RBFOX1: variants seen among roughly 807,000 people sequenced by gnomAD.
The protein encoded by RBFOX1 is RNA binding fox-1 homolog 1.
In RBFOX1, 8 loss-of-function variants were observed where a neutral mutation model predicts 57.7. The ratio of observed to expected loss-of-function variants is 0.14; its 90% CI spans 0.08 to 0.25. The LOEUF (loss-of-function observed/expected upper bound fraction) is 0.25. RBFOX1 is among the 10% of genes least tolerant of loss of function. RBFOX1 has a pLI of 1.00. For synonymous variants in RBFOX1, 326 were observed against 222.4 expected, an observed-to-expected ratio of 1.47 and a Z score of -4.15; for missense variants, 611 against 548.5, an observed-to-expected ratio of 1.11 and a Z score of -1.14.
chr16:5,711,594 G>A (rs917543680), intron 3 of RBFOX1, among the ~76,000 whole-genome samples: 3 of 152,208 alleles, frequency 2.0e-5, no homozygotes, highest in Non-Finnish European at 4.4e-5. Context: ...GTCATAGGGA[G>A]CCTGGAAGAT....
At chr16:6,849,444 G>A (rs946924808) in intron 3 of RBFOX1, among the ~76,000 whole-genome samples, 1 of 152,200 alleles carries the variant, frequency 6.6e-6, no homozygotes, top group East Asian at 1.9e-4. Flanking sequence ...GAGGCTGGTA[G>A]ATCACTTGAG....
At chr16:7,142,636 C>G (rs935930860) in intron 4 of RBFOX1, among the ~76,000 whole-genome samples, 1 of 152,186 alleles carries the variant, frequency 6.6e-6, no homozygotes, top group Non-Finnish European at 1.5e-5. Flanking sequence ...TCAATCAGAG[C>G]ATTTTGATTG....
chr16:6,364,611 A>G (rs77114988), intron 2 of RBFOX1, among the ~76,000 whole-genome samples: 64 of 152,336 alleles, frequency 4.2e-4, no homozygotes, highest in African/African-American at 1.5e-3. Context: ...TGATGGAGAC[A>G]TATGGTCATA....
At chr16:6,888,591 A>G (rs779381419) in intron 3 of RBFOX1, among the ~76,000 whole-genome samples, 2 of 152,006 alleles carry the variant, frequency 1.3e-5, no homozygotes, top group African/African-American at 2.4e-5. Context: ...CCGTAGGGTT[A>G]GAAGTGCATT....
chr16:7,232,491 C>G (rs1471405714), intron 4 of RBFOX1, among the ~76,000 whole-genome samples: 2 of 152,142 alleles, frequency 1.3e-5, no homozygotes, highest in African/African-American at 4.8e-5. Context: ...TACCTCCCCA[C>G]ACACATATGC....
intron 2 of RBFOX1, among the ~76,000 whole-genome samples, chr16:5,516,489 C>T (rs2043797307): frequency 6.6e-6 from 1 of 152,192 alleles, no homozygotes; most frequent in African/African-American, 2.4e-5. Flanking sequence ...GTTTAATAAG[C>T]ATAATAATGT....
intron 3 of RBFOX1, among the ~76,000 whole-genome samples, chr16:6,926,327 A>C (rs1446965851): frequency 2.0e-5 from 3 of 151,982 alleles, no homozygotes; most frequent in African/African-American, 7.3e-5. Flanking sequence ...CAAAAACAAA[A>C]ACCCTTATTT....
At chr16:6,256,186 C>A (rs77712830) in intron 1 of RBFOX1, among the ~76,000 whole-genome samples, 3 of 36,602 alleles carry the variant, frequency 8.2e-5, no homozygotes, top group Admixed American at 4.0e-4. Context: ...TATATATATA[C>A]GTATATATAT....
chr16:6,478,423 A>T (rs1303528772), intron 2 of RBFOX1, among the ~76,000 whole-genome samples: 412 of 11,830 alleles, frequency 0.035, 12 homozygotes, highest in African/African-American at 0.048. Flanking sequence ...ATATATATAT[A>T]TATATATTTT....
chr16:7,635,429 C>T (rs2061595438), intron 11 of RBFOX1, among the ~76,000 whole-genome samples: 2 of 152,134 alleles, frequency 1.3e-5, no homozygotes, highest in South Asian at 2.1e-4. Flanking sequence ...TGCAAATAAA[C>T]ATACACACCA....
At chr16:6,476,143 T>A (rs1396594685) in intron 2 of RBFOX1, among the ~76,000 whole-genome samples, 1 of 152,192 alleles carries the variant, frequency 6.6e-6, no homozygotes, top group Admixed American at 6.5e-5. Context: ...CACCCTTTTC[T>A]TATATTTACA....
At chr16:7,484,707 G>A (rs749021929) in intron 4 of RBFOX1, among the ~76,000 whole-genome samples, 13 of 152,136 alleles carry the variant, frequency 8.5e-5, no homozygotes, top group South Asian at 2.1e-4. Context: ...CAGGTGATCC[G>A]CTCGCTTCAG....
At chr16:7,547,769 T>C (rs1286191219) in intron 5 of RBFOX1, among the ~76,000 whole-genome samples, 1 of 152,256 alleles carries the variant, frequency 6.6e-6, no homozygotes, top group African/African-American at 2.4e-5. Context: ...TGTATAGTTC[T>C]TTGCTATTGT....
chr16:6,378,465 G>A (rs973346560), intron 2 of RBFOX1, among the ~76,000 whole-genome samples: 6 of 152,202 alleles, frequency 3.9e-5, no homozygotes, highest in South Asian at 2.1e-4. Context: ...ATTGTAGCCC[G>A]TCACTTTGGT....
At chr16:7,021,842 T>C (rs964172100) in intron 3 of RBFOX1, among the ~76,000 whole-genome samples, 4 of 151,380 alleles carry the variant, frequency 2.6e-5, no homozygotes, top group Admixed American at 2.0e-4. Context: ...AGGTAGTTGG[T>C]ATTATCTTCA....
chr16:6,699,293 A>G (rs115111584), intron 3 of RBFOX1, among the ~76,000 whole-genome samples: 2,092 of 144,198 alleles, frequency 0.015, 29 homozygotes, highest in African/African-American at 0.046. Context: ...TATCCTCCCT[A>G]TGTTACTTTT....
intron 1 of RBFOX1, among the ~76,000 whole-genome samples, chr16:6,096,370 A>AC (rs904907373): frequency 5.3e-5 from 8 of 152,088 alleles, no homozygotes; most frequent in Non-Finnish European, 1.2e-4. Context: ...GACCATGTGC[A>AC]CCCCACTATG....
At chr16:6,580,892 A>G (rs1396302053) in intron 2 of RBFOX1, among the ~76,000 whole-genome samples, 2 of 139,008 alleles carry the variant, frequency 1.4e-5, no homozygotes, top group African/African-American at 5.7e-5. Flanking sequence ...GACCCTGCAT[A>G]TCTCATTTGG....
At chr16:7,401,311 C>G (rs779397893) in intron 4 of RBFOX1, among the ~76,000 whole-genome samples, 7 of 152,142 alleles carry the variant, frequency 4.6e-5, no homozygotes, top group Non-Finnish European at 1.0e-4. Context: ...TAAATAGCAT[C>G]TGAATTACAT....
Sources: allele counts gnomAD v4.1 joint callset (sites outside exome capture counted in the v4.1 genomes callset), GRCh38; gene constraint gnomAD v4.1.1; transcripts MANE v1.5; gene names NCBI Gene and HGNC (gene_info 2026-07-23, HGNC 2026-07-21).